The following THOC2 variants were observed in gnomAD, a reference collection of about 807,000 sequenced individuals.
The protein encoded by THOC2 is THO complex 2.
A neutral mutation model predicts 128.4 loss-of-function variants in THOC2; 10 were observed. The ratio of observed to expected loss-of-function variants is 0.08; its 90% CI spans 0.05 to 0.13. The LOEUF is 0.13. Among genes scored for constraint, THOC2 ranks in the 10% least tolerant of loss-of-function variants. THOC2 has a pLI of 1.00. For synonymous variants in THOC2, 393 were observed against 396.9 expected, an observed-to-expected ratio of 0.99 and a Z score of 0.12; for missense variants, 535 against 1,155.7, an observed-to-expected ratio of 0.46 and a Z score of 7.79.
At chrX:123,732,640 G>C (rs779250487) in intron 1 of THOC2, among the ~76,000 whole-genome samples, 1 of 111,546 alleles carries the variant, frequency 9.0e-6, no homozygotes, top group South Asian at 3.8e-4. Context: ...CAAGCGAAGA[G>C]GGGGACACAA....
At chrX:123,699,324 T>C (rs1215168768) in intron 4 of THOC2, among the ~76,000 whole-genome samples, 3 of 112,261 alleles carry the variant, frequency 2.7e-5, no homozygotes, top group Non-Finnish European at 3.8e-5. Context: ...TTTCCCTTCT[T>C]GGACAGTTGC....
intron 9 of THOC2, among the ~76,000 whole-genome samples, chrX:123,669,069 T>G (rs536229036): frequency 8.2e-5 from 9 of 109,804 alleles, no homozygotes; most frequent in Admixed American, 4.9e-4. Context: ...CCCCTAGAAA[T>G]GCATAATCTA....
chrX:123,678,151 T>C (rs904764938), intron 8 of THOC2, among the ~76,000 whole-genome samples: 2 of 111,542 alleles, frequency 1.8e-5, no homozygotes, highest in African/African-American at 6.5e-5. Flanking sequence ...CATGCCACGA[T>C]GGTTTGCCTG....
At chrX:123,640,879 T>C (rs2047885219) in intron 15 of THOC2, among the ~76,000 whole-genome samples, 1 of 111,966 alleles carries the variant, frequency 8.9e-6, no homozygotes, top group Non-Finnish European at 1.9e-5. Context: ...TTTATAGTAA[T>C]AGTCTAATAA....
intron 15 of THOC2, among the ~76,000 whole-genome samples, chrX:123,643,156 A>C (rs1351055078): frequency 9.0e-6 from 1 of 111,424 alleles, no homozygotes; most frequent in Non-Finnish European, 1.9e-5. Flanking sequence ...GAGGGAACAA[A>C]AAGTATATAC....
At chrX:123,687,453 C>A (rs1055502574) in intron 7 of THOC2, among the ~76,000 whole-genome samples, 2 of 111,711 alleles carry the variant, frequency 1.8e-5, no homozygotes, top group Non-Finnish European at 3.8e-5. Flanking sequence ...AAGCTAACCA[C>A]TTCATTGGGC....
chrX:123,687,944 CT>C (rs1316747462), intron 7 of THOC2, among the ~76,000 whole-genome samples: 2 of 111,996 alleles, frequency 1.8e-5, no homozygotes, highest in African/African-American at 6.5e-5. Context: ...TTACCTCCCC[CT>C]GTACTTCAAA....
chrX:123,634,631 T>C (rs192572205), intron 19 of THOC2, among the ~76,000 whole-genome samples: 183 of 112,063 alleles, frequency 1.6e-3, no homozygotes, highest in African/African-American at 5.3e-3. Flanking sequence ...AATAAAGTCC[T>C]TCATAGCATT....
chrX:123,645,292 G>A, intron 13 of THOC2, 42 bp downstream of exon 13: 1 of 974,023 alleles, frequency 1.0e-6, no homozygotes, highest in Non-Finnish European at 1.4e-6. Flanking sequence ...ACTGTAGCAA[G>A]ACAAACATTA....
intron 4 of THOC2, among the ~76,000 whole-genome samples, chrX:123,699,414 T>G (rs1385751764): frequency 8.9e-6 from 1 of 112,207 alleles, no homozygotes; most frequent in African/African-American, 3.2e-5. Flanking sequence ...GTATAATTTA[T>G]GCAATGTAAA....
chrX:123,693,113 A>G (rs1040585134), intron 7 of THOC2, among the ~76,000 whole-genome samples: 7 of 112,372 alleles, frequency 6.2e-5, no homozygotes, highest in African/African-American at 2.3e-4. Flanking sequence ...AACAACACTG[A>G]AAGAATACTC....
At position 123,640,462 on chromosome X, in the gene THOC2, T is replaced by C. The variant is rs969055473; in HGVS notation, c.1746+76A>G. ...TACAATGTTTCATTTTCTAACATCA[T>C]TCTATTTCCACTTGCACTGATTTAA... On this transcript the variant is annotated intron_variant, in intron 16 of 38. Coordinates refer to ENST00000245838, the MANE Select transcript of THOC2 (RefSeq NM_001081550.2). The C allele has an allele frequency of 5.7e-6, 4 of 704,987 alleles. No individual in the cohort carries two copies. In the African/African-American group the frequency reaches 8.7e-5, roughly 15 times the overall value. 58.1% of individuals were successfully genotyped at this position (704,987 alleles called of 1,213,427 possible).
chrX:123,609,565 G>C (rs994014892), intron 38 of THOC2, among the ~76,000 whole-genome samples: 9 of 111,709 alleles, frequency 8.1e-5, no homozygotes, highest in Admixed American at 7.6e-4. Flanking sequence ...AAACAGCCTT[G>C]GTTATCTATC....
chrX:123,702,115 C>T (rs2050726734), intron 4 of THOC2, among the ~76,000 whole-genome samples: 1 of 111,524 alleles, frequency 9.0e-6, no homozygotes, highest in Non-Finnish European at 1.9e-5. Flanking sequence ...TCCAGGTTCA[C>T]AAACCTGCAG....
chrX:123,606,062 A>G (rs1436491515), intron 38 of THOC2, among the ~76,000 whole-genome samples: 2 of 111,304 alleles, frequency 1.8e-5, no homozygotes, highest in Non-Finnish European at 1.9e-5. Context: ...TCCTTCAAGA[A>G]AAACTGAAAT....
intron 33 of THOC2, among the ~76,000 whole-genome samples, chrX:123,617,618 T>C (rs969376838): frequency 9.0e-6 from 1 of 111,637 alleles, no homozygotes; most frequent in Non-Finnish European, 1.9e-5. Flanking sequence ...AAAGACACTA[T>C]CCACCTGCCC....
At chrX:123,717,124 C>G (rs1183517474) in intron 1 of THOC2, among the ~76,000 whole-genome samples, 2 of 111,546 alleles carry the variant, frequency 1.8e-5, no homozygotes, top group Non-Finnish European at 3.8e-5. Flanking sequence ...TGAAAGTTAT[C>G]CAAACAAGAA....
rs183692505 is a variant in THOC2 at position 123,667,826 on chromosome X, T to C, written c.1017+333A>G. Among the ~76,000 whole-genome samples, 342 of 111,006 alleles carry C rather than the reference T, an allele frequency of 3.1e-3. 1 individual carries two copies. Among genetic ancestry groups the C allele is most frequent in the Middle Eastern group, 9.3e-3 (2 of 214 alleles). On this transcript the variant is annotated intron_variant, in intron 10 of 38. Transcript: ENST00000245838. ...GAATTAAGTTCTACTTCATGTTATGTCGTGCCACAGGAAACCAGAATTCAT... is the reference window on the plus strand; with the variant it reads ...GAATTAAGTTCTACTTCATGTTATGCCGTGCCACAGGAAACCAGAATTCAT...
chrX:123,618,754 G>A, intron 33 of THOC2, among the ~76,000 whole-genome samples: 1 of 111,513 alleles, frequency 9.0e-6, no homozygotes, highest in South Asian at 3.8e-4. Flanking sequence ...TACACAAACT[G>A]CACACTACTT....
Sources: allele counts gnomAD v4.1 joint callset (sites outside exome capture counted in the v4.1 genomes callset), GRCh38; gene constraint gnomAD v4.1.1; transcripts MANE v1.5; gene names NCBI Gene and HGNC (gene_info 2026-07-23, HGNC 2026-07-21).